Variants in ADCY9 observed in about 807,000 individuals in gnomAD.
The protein encoded by ADCY9 is adenylate cyclase type 9.
In ADCY9, 50 loss-of-function variants were observed where a neutral mutation model predicts 101.5. The observed-to-expected ratio is 0.49, with a 90% CI of 0.39 to 0.62. The LOEUF is 0.62. Among genes scored for constraint, ADCY9 ranks in the 20% least tolerant of loss-of-function variants. The probability of loss-of-function intolerance (pLI) is 0.00; values close to 1 mark genes in which losing one functional copy is unlikely to be tolerated. For missense variants in ADCY9, 1,662 were observed against 1,800.4 expected (o/e 0.92, Z 1.39); for synonymous variants, 905 against 769.3 (o/e 1.18, Z -2.92).
Position 3,966,123 on chromosome 16 carries a change from C to G in ADCY9, c.3714G>C (p.Lys1238Asn). 1.2e-6 allele frequency: 2 copies of G among 1,614,236 alleles called. No homozygotes were observed. Among genetic ancestry groups the G allele is most frequent in the Non-Finnish European group, 1.7e-6 (2 of 1,180,044 alleles). ...CCGTGCACTTTGGGTACAGGTAGGT[C>G]TTCATCTGGCCTTTCCCCTTGACAT... is the stretch of plus-strand genomic sequence containing the variant. ...TVNVKGKGQM[K>N]TYLYPKCTDH... Residue 1238 changes from lysine (K) to asparagine (N), a missense_variant, in exon 11 of 11, where the codon AAG becomes AAC. By Grantham distance (94) the Lys-to-Asn change is moderately conservative. This residue lies in a region of ADCY9 where 168 missense variants were observed against 155.3 expected (regional missense o/e 1.08). Coordinates refer to ENST00000294016, the MANE Select transcript of ADCY9 (RefSeq NM_001116.4).
chr16:4,029,440 A>G (rs564854373), intron 2 of ADCY9, among the ~76,000 whole-genome samples: 23 of 152,270 alleles, frequency 1.5e-4, no homozygotes, highest in African/African-American at 5.5e-4. Context: ...GCCTGAATAT[A>G]AAGAACTCCT....
At position 3,983,121 on chromosome 16, in the gene ADCY9, C is replaced by T. The variant is rs192524607; in HGVS notation, c.2519+111G>A. ...ACGGGGACCCATCTCCAGAAATCAG[C>T]CAGCAGGGACAGCTGGCTGGGGACC... On this transcript the variant is annotated intron_variant, in intron 7 of 10. Coordinates refer to ENST00000294016, the MANE Select transcript of ADCY9 (RefSeq NM_001116.4). The T allele has an allele frequency of 3.5e-4, 367 of 1,044,876 alleles. 1 individual carries two copies. The highest frequency in any genetic ancestry group is 4.8e-4 in the Non-Finnish European group (353 of 740,278). 64.7% of individuals were successfully genotyped at this position (1,044,876 alleles called of 1,614,324 possible). A position where few individuals can be genotyped will look rare whatever the true frequency, so the allele number is the denominator to read the frequency against.
chr16:4,112,211 C>T (rs553944542), intron 2 of ADCY9, among the ~76,000 whole-genome samples: 2 of 152,322 alleles, frequency 1.3e-5, no homozygotes, highest in South Asian at 2.1e-4. Context: ...GCGAGTGCCA[C>T]CGCCCTAAAC....
chr16:4,043,544 C>T (rs577545447), intron 2 of ADCY9, among the ~76,000 whole-genome samples: 138 of 151,048 alleles, frequency 9.1e-4, no homozygotes, highest in Non-Finnish European at 3.3e-4. Context: ...CATGGTGGCA[C>T]GTGCCTGTAA....
chr16:4,100,358 C>T (rs562018960), intron 2 of ADCY9, among the ~76,000 whole-genome samples: 49 of 152,210 alleles, frequency 3.2e-4, no homozygotes, highest in Admixed American at 5.2e-4. Flanking sequence ...GAGATGGGGT[C>T]TCACTCTGTT....
At chr16:4,107,652 G>C (rs1461633628) in intron 2 of ADCY9, among the ~76,000 whole-genome samples, 8 of 151,734 alleles carry the variant, frequency 5.3e-5, no homozygotes, top group Admixed American at 5.3e-4. Flanking sequence ...CATCCCAGTG[G>C]CAAGGGTTGC....
At chr16:4,097,544 TATATATATA>T (rs1567146979) in intron 2 of ADCY9, among the ~76,000 whole-genome samples, 4 of 50,224 alleles carry the variant, frequency 8.0e-5, no homozygotes, top group African/African-American at 5.1e-4. Flanking sequence ...TATATATATA[TATATATATA>T]TTTTTTTTTT....
intron 2 of ADCY9, among the ~76,000 whole-genome samples, chr16:4,074,142 CAT>C (rs1462911131): frequency 1.3e-5 from 2 of 151,810 alleles, no homozygotes; most frequent in African/African-American, 2.4e-5. Flanking sequence ...GTAAAAATAA[CAT>C]GTTATGAGGT....
chr16:4,000,090 C>A (rs1212152491), intron 3 of ADCY9, among the ~76,000 whole-genome samples: 1 of 152,194 alleles, frequency 6.6e-6, no homozygotes, highest in African/African-American at 2.4e-5. Flanking sequence ...TCAGAAGCAT[C>A]CTTTGCTCCC....
At position 3,966,455 on chromosome 16, in the gene ADCY9, C is replaced by A. The variant is rs1278100124; in HGVS notation, c.3382G>T (p.Gly1128Cys). ...TGCAGGTGCTCCTGCGGGTGGCTGC[C>A]GTCCTGGGCCTGCGCGGTGTTCAGC... Reference protein sequence around the residue: ...SGLNTAQAQDGSHPQEHLQIL... With the variant: ...SGLNTAQAQDCSHPQEHLQIL... Residue 1128 changes from glycine (G) to cysteine (C), a missense_variant, in exon 11 of 11, where the codon GGC (glycine) becomes TGC (cysteine). Gly to Cys is a radical substitution (Grantham distance 159, BLOSUM62 -3). Transcript: ENST00000294016. The A allele has an allele frequency of 6.2e-7, 1 of 1,614,006 alleles. No individual in the cohort carries two copies. Among genetic ancestry groups the A allele is most frequent in the Non-Finnish European group, 8.5e-7 (1 of 1,180,044 alleles).
chr16:4,020,866 T>C (rs2056471617), intron 2 of ADCY9, among the ~76,000 whole-genome samples: 1 of 150,814 alleles, frequency 6.6e-6, no homozygotes, highest in Non-Finnish European at 1.5e-5. Context: ...AGTTACTCTA[T>C]CGAACAAAAT....
intron 2 of ADCY9, among the ~76,000 whole-genome samples, chr16:4,105,620 C>T (rs1029207404): frequency 1.4e-5 from 2 of 145,514 alleles, no homozygotes; most frequent in African/African-American, 2.6e-5. Flanking sequence ...GCAGAGGTTG[C>T]AGTAAGTTAA....
intron 9 of ADCY9, among the ~76,000 whole-genome samples, chr16:3,975,500 T>A: frequency 6.6e-6 from 1 of 152,186 alleles, no homozygotes; most frequent in East Asian, 1.9e-4. Context: ...CTCCGTCTGA[T>A]ACTGACAATA....
At chr16:3,989,976 A>C (rs2056231312) in intron 5 of ADCY9, among the ~76,000 whole-genome samples, 1 of 152,228 alleles carries the variant, frequency 6.6e-6, no homozygotes, top group South Asian at 2.1e-4. Context: ...AGAATGATAA[A>C]GCTCAGTGAT....
chr16:3,955,798 C>G (rs1467562007), intron 5 of ADCY9, among the ~76,000 whole-genome samples: 1 of 152,012 alleles, frequency 6.6e-6, no homozygotes, highest in African/African-American at 2.4e-5. Context: ...ATTCACCTGC[C>G]TCAGCCTCCC....
At chr16:4,057,438 G>C (rs907541998) in intron 2 of ADCY9, among the ~76,000 whole-genome samples, 1 of 152,250 alleles carries the variant, frequency 6.6e-6, no homozygotes, top group Admixed American at 6.5e-5. Context: ...ACCCCAGAAA[G>C]AAACTCCGCA....
chr16:3,998,864 T>C (rs561205685), intron 3 of ADCY9, among the ~76,000 whole-genome samples: 3 of 151,780 alleles, frequency 2.0e-5, no homozygotes, highest in South Asian at 2.1e-4. Context: ...TTCTGAGCTG[T>C]AGTTAGAGGC....
In ADCY9 at chr16:3,963,269, C is replaced by T; in HGVS notation, c.*2506G>A. On this transcript the variant is annotated 3_prime_UTR_variant, in exon 11 of 11. Transcript: ENST00000294016. The stretch of plus-strand genomic sequence containing the variant: ...CCTAAGTTCCTAAGAGGTATTGCCA[C>T]CCTGAAGCACGACCCATGCCGTCAG... The T allele has an allele frequency of 2.5e-6, 1 of 398,510 alleles. No homozygotes were observed. The allele number at this position is 398,510 out of a possible 1,614,324, so 24.7% of individuals were successfully genotyped here.
intron 2 of ADCY9, among the ~76,000 whole-genome samples, chr16:4,024,741 G>T (rs967823123): frequency 6.6e-6 from 1 of 152,138 alleles, no homozygotes; most frequent in Non-Finnish European, 1.5e-5. Context: ...TGAACAAAGG[G>T]AACAAGGACA....
Sources: allele counts gnomAD v4.1 joint callset (sites outside exome capture counted in the v4.1 genomes callset), GRCh38; gene constraint gnomAD v4.1.1; regional missense constraint gnomAD v4.1.1; transcripts MANE v1.5; gene names NCBI Gene and HGNC (gene_info 2026-07-23, HGNC 2026-07-21).